The following DNMT3L variants were observed in gnomAD, a reference collection of about 807,000 sequenced individuals.
DNMT3L encodes DNA (cytosine-5)-methyltransferase 3-like.
DNMT3L carries 33 observed loss-of-function variants against 36.2 expected under a neutral mutation model. The observed-to-expected ratio is 0.91, with a 90% CI of 0.69 to 1.22. The LOEUF is 1.22. Ranked by LOEUF, DNMT3L falls within the 50% of genes most tolerant of loss-of-function variation. The pLI, the probability that DNMT3L is intolerant of heterozygous loss-of-function variation, is 0.00. For synonymous variants in DNMT3L, 117 were observed against 121.7 expected, an observed-to-expected ratio of 0.96 and a Z score of 0.26; for missense variants, 310 against 303.1, an observed-to-expected ratio of 1.02 and a Z score of -0.17.
At chr21:44,259,391 T>C (rs753172754) in intron 5 of DNMT3L, 46 bp downstream of exon 5, 23 of 1,576,670 alleles carry the variant, frequency 1.5e-5, no homozygotes, top group Non-Finnish European at 1.8e-5. Context: ...AAAGGATGGG[T>C]GTGTCCTCAG....
rs569574343 is a variant in DNMT3L at position 44,258,453 on chromosome 21, C to T, written c.516+70G>A. On this transcript the variant is annotated intron_variant, in intron 6 of 11. Transcript: ENST00000628202. This position sits in a 1 kb window ranked among gnomAD's most constrained non-coding sequence, Gnocchi z 6.2. ...CCGTCGGCGCGCCTGCATTCTGCAG[C>T]GGGAACCGAGGGAAGGCCGTAAGTC... 2.4e-5 allele frequency: 35 copies of T among 1,471,946 alleles called. No individual in the cohort carries two copies. The highest frequency in any genetic ancestry group is 2.9e-5 in the Non-Finnish European group (32 of 1,105,526). 91.2% of individuals were successfully genotyped at this position (1,471,946 alleles called of 1,614,324 possible).
chr21:44,254,230 T>TG (rs1318464750), intron 8 of DNMT3L, among the ~76,000 whole-genome samples: 1 of 152,008 alleles, frequency 6.6e-6, no homozygotes, highest in African/African-American at 2.4e-5. Context: ...GAGGGTGGAG[T>TG]GGGGGTTCAG....
At chr21:44,257,699 AAT>A (rs112908124) in intron 6 of DNMT3L, among the ~76,000 whole-genome samples, 39,149 of 123,332 alleles carry the variant, frequency 0.32, 6,343 homozygotes, top group Admixed American at 0.4. Context: ...AAAAAAAATA[AAT>A]AAATAAATAA....
chr21:44,257,741 T>G (rs113985466), intron 6 of DNMT3L, among the ~76,000 whole-genome samples: 3 of 151,890 alleles, frequency 2.0e-5, no homozygotes, highest in African/African-American at 7.3e-5. Context: ...ACCAGGGGAC[T>G]TGGCACAGCA....
At chr21:44,260,980 T>C in intron 2 of DNMT3L, 141 bp from the exon 3 acceptor site, 6 of 1,408,766 alleles carry the variant, frequency 4.3e-6, no homozygotes, top group Non-Finnish European at 4.9e-6. Flanking sequence ...TCACACCTTA[T>C]CTTGGTGTGT....
At chr21:44,259,253 C>T (rs558094774) in intron 5 of DNMT3L, among the ~76,000 whole-genome samples, 184 bp downstream of exon 5, 8 of 152,244 alleles carry the variant, frequency 5.3e-5, no homozygotes, top group East Asian at 1.9e-4. Context: ...AATCGCCAAC[C>T]GTAGACACCC....
At chr21:44,255,500 C>T (rs868014968) in intron 7 of DNMT3L, among the ~76,000 whole-genome samples, 70 of 78,008 alleles carry the variant, frequency 9.0e-4, no homozygotes, top group African/African-American at 6.5e-3. Context: ...AGCGAGACTC[C>T]GCCTCAAAAA....
At chr21:44,259,411 C>G (rs368079595) in intron 5 of DNMT3L, 26 bp downstream of exon 5, 10 of 1,610,884 alleles carry the variant, frequency 6.2e-6, no homozygotes, top group African/African-American at 1.3e-5. Context: ...GCCCCTTCAC[C>G]CCCCTGGGCA....
At position 44,257,697 on chromosome 21, in the gene DNMT3L, TAAATA is replaced by T. The variant is rs1568916353; in HGVS notation, c.516+821_516+825del. ...CTCCGTCTCAAAAAAAAAAAAAAAA[TAAATA>T]AATAAATAAATAAATAAATAAAAAA... On this transcript the variant is annotated intron_variant, in intron 6 of 11. Coordinates refer to ENST00000628202, the MANE Select transcript of DNMT3L (RefSeq NM_175867.3). Among the ~76,000 whole-genome samples, 33 of 49,168 alleles carry T rather than the reference TAAATA, an allele frequency of 6.7e-4. 1 individual carries two copies. Among genetic ancestry groups the T allele is most frequent in the Middle Eastern group, 9.8e-3 (1 of 102 alleles). 32.3% of individuals were successfully genotyped at this position (49,168 alleles called of 152,430 possible).
In DNMT3L at chr21:44,258,169, CT is replaced by C. The variant is rs2040279934; in HGVS notation, c.516+353del. Reference sequence around the variant, plus strand: ...TTGTCTGAGGTTCCTGCCGGCCCCCCTGGCTCCTCGGCTGGACTCCCAAAAC... The same window carrying C: ...TTGTCTGAGGTTCCTGCCGGCCCCCCGGCTCCTCGGCTGGACTCCCAAAAC... On this transcript the variant is annotated intron_variant, in intron 6 of 11. Transcript: ENST00000628202. The surrounding 1 kb of genome is among the most constrained non-coding windows in gnomAD (Gnocchi z 6.2). 6.6e-6 allele frequency among the ~76,000 whole-genome samples: 1 copy of C among 152,196 alleles called. No homozygotes were observed. Among genetic ancestry groups the C allele is most frequent in the African/African-American group, 2.4e-5 (1 of 41,448 alleles).
In DNMT3L at chr21:44,261,167, G is replaced by T; in HGVS notation, c.93C>A (p.Pro31=). 6.2e-7 allele frequency: 1 copy of T among 1,612,644 alleles called. No individual in the cohort carries two copies. The highest frequency in any genetic ancestry group is 8.5e-7 in the Non-Finnish European group (1 of 1,179,884). The change falls in exon 2 of 12, where the codon CCC becomes CCA. Residue 31 remains proline (P), a synonymous_variant. Transcript: ENST00000628202. Reference sequence around the variant, plus strand: ...ATGAGCCCTCACCTCTGCCTGTCCCGGGTGAAACGGAGCTTGAGAGCTCAC... The same window carrying T: ...ATGAGCCCTCACCTCTGCCTGTCCCTGGTGAAACGGAGCTTGAGAGCTCAC... ...GSSELSSSVS[P]GTGRDLIAYE...
In DNMT3L at chr21:44,261,234, G is replaced by A. The variant is rs1269263012; in HGVS notation, c.26C>T (p.Pro9Leu). 3 of 1,612,518 alleles carry A rather than the reference G, an allele frequency of 1.9e-6. No individual in the cohort carries two copies. Among genetic ancestry groups the A allele is most frequent in the Non-Finnish European group, 2.5e-6 (3 of 1,179,892 alleles). Residue 9 changes from proline (P) to leucine (L), a missense_variant, in exon 2 of 12, where the codon CCA becomes CTA. By Grantham distance (98) the Pro-to-Leu change is moderately conservative. Transcript: ENST00000628202. ...CACGTCCATGCTGGGCTCGGCCTCTGGGTCCAGGGCTGGGATGGCCGCCAT... is the reference window on the plus strand; with the variant it reads ...CACGTCCATGCTGGGCTCGGCCTCTAGGTCCAGGGCTGGGATGGCCGCCAT... MAAIPALD[P>L]EAEPSMDVIL...
At position 44,258,790 on chromosome 21, in the gene DNMT3L, A is replaced by G; in HGVS notation, c.345-96T>C. 6.7e-7 allele frequency: 1 copy of G among 1,483,992 alleles called. No individual in the cohort carries two copies. Among genetic ancestry groups the G allele is most frequent in the African/African-American group, 1.4e-5 (1 of 71,468 alleles). The allele number at this position is 1,483,992 out of a possible 1,614,324, so 91.9% of individuals were successfully genotyped here. ...CTGATTGAGCCTTGTTTTGGAGGGA[A>G]AAGTCACGCTGGAGCTCCCTTTGGG... On this transcript the variant is annotated intron_variant, in intron 5 of 11. Transcript: ENST00000628202. This position sits in a 1 kb window ranked among gnomAD's most constrained non-coding sequence, Gnocchi z 6.2.
intron 6 of DNMT3L, among the ~76,000 whole-genome samples, chr21:44,257,698 A>C (rs1215683069): frequency 2.5e-5 from 1 of 39,646 alleles, no homozygotes; most frequent in Non-Finnish European, 4.3e-5. Flanking sequence ...AAAAAAAAAT[A>C]AATAAATAAA....
chr21:44,258,670 A>G lies in DNMT3L; in HGVS notation c.369T>C (p.Asp123=), dbSNP rs1488967761. 1.9e-6 allele frequency: 3 copies of G among 1,612,788 alleles called. No individual in the cohort carries two copies. The highest frequency in any genetic ancestry group is 2.5e-6 in the Non-Finnish European group (3 of 1,179,966). ...CCGAGGTCCCGGGGCCGACCAGGCT[A>G]TCCACACACTCGAAGCAGTAGCATC... ...CTRCYCFECV[D]SLVGPGTSGK... Residue 123 remains aspartate, a synonymous_variant, in exon 6 of 12, where the codon GAT becomes GAC. Coordinates refer to ENST00000628202, the MANE Select transcript of DNMT3L (RefSeq NM_175867.3). The surrounding 1 kb of genome is among the most constrained non-coding windows in gnomAD (Gnocchi z 6.2).
At chr21:44,254,595 G>A (rs1185667699) in intron 8 of DNMT3L, 22 bp downstream of exon 8, 1 of 1,612,812 alleles carries the variant, frequency 6.2e-7, no homozygotes, top group Non-Finnish European at 8.5e-7. Context: ...TACAGTGTCT[G>A]AGAGTTCACG....
chr21:44,260,763 T>A, intron 3 of DNMT3L, 32 bp downstream of exon 3: 1 of 1,613,096 alleles, frequency 6.2e-7, no homozygotes. Context: ...CCGTCTCTTT[T>A]GTCTGGTGTG....
intron 8 of DNMT3L, 103 bp downstream of exon 8, chr21:44,254,514 C>T (rs1197192739): frequency 7.5e-7 from 1 of 1,335,014 alleles, no homozygotes. Context: ...TCCTCCCAGC[C>T]CCTGCTGCCG....
Position 44,256,134 on chromosome 21 carries a change from G to C in DNMT3L, c.537C>G (p.Phe179Leu). 4 of 1,613,868 alleles carry C rather than the reference G, an allele frequency of 2.5e-6. No homozygotes were observed. Among genetic ancestry groups the C allele is most frequent in the Non-Finnish European group, 2.5e-6 (3 of 1,179,982 alleles). The stretch of plus-strand genomic sequence containing the variant: ...GTCTCCTCCACACAGGCACGGTTTC[G>C]AACATCTCAAGGGGATTCTCCTATT... ...DRESENPLEMFETVPVWRRQP... is the reference protein window; with the variant it reads ...DRESENPLEMLETVPVWRRQP... Residue 179 changes from phenylalanine to leucine, a missense_variant, in exon 7 of 12, where the codon TTC becomes TTG. Transcript: ENST00000628202.
Sources: gnomAD v4.1 joint callset for allele counts (sites outside exome capture counted in the v4.1 genomes callset) on GRCh38, gnomAD v4.1.1 for gene constraint, Gnocchi (gnomAD v3.1) non-coding constraint, MANE v1.5 for transcripts, NCBI Gene and HGNC (gene_info 2026-07-23, HGNC 2026-07-21) for gene names.